APAF1: variants seen among roughly 807,000 people sequenced by gnomAD.
APAF1 encodes apoptotic peptidase activating factor 1, also known as apoptotic protease-activating factor 1.
Under a neutral mutation model 152.4 loss-of-function variants are expected in APAF1, and 91 were observed. That is an observed-to-expected ratio of 0.60 (90% CI 0.50 to 0.71). APAF1 has a LOEUF of 0.71. APAF1 is among the 30% of genes least tolerant of loss of function. The pLI, the probability that APAF1 is intolerant of heterozygous loss-of-function variation, is 0.00. For synonymous variants in APAF1, 484 were observed against 494.1 expected (o/e 0.98, Z 0.27); for missense variants, 1,283 against 1,472.0 (o/e 0.87, Z 2.10).
At position 98,698,473 on chromosome 12, in the gene APAF1, CA is replaced by C. The variant is rs1045378325; in HGVS notation, c.2305-934del. Among the ~76,000 whole-genome samples the C allele has an allele frequency of 1.2e-3, 185 of 152,330 alleles. 1 individual carries two copies. The highest frequency in any genetic ancestry group is 4.1e-3 in the African/African-American group (172 of 41,570). On this transcript the variant is annotated intron_variant, in intron 16 of 26. Coordinates refer to ENST00000551964, the MANE Select transcript of APAF1 (RefSeq NM_181861.2). ...TTAGTATCAGGGAAGGCTGTTTTAG[CA>C]CCTGCTGTCTCTTTTGCATTACCCA...
rs150803631 is a variant in APAF1, at chr12:98,708,523, G to A, written c.2722-62G>A. 525 of 1,548,942 alleles carry A rather than the reference G, an allele frequency of 3.4e-4. 4 individuals carry two copies. In the African/African-American group the frequency reaches 5.8e-3, roughly 17 times the overall value. ...TTATGTGAAACATAGTTTGTCTCTC[G>A]CTTTAAGATGAAGACATGTTATTTT... On this transcript the variant is annotated intron_variant, in intron 19 of 26. Coordinates refer to ENST00000551964, the MANE Select transcript of APAF1 (RefSeq NM_181861.2).
Position 98,699,432 on chromosome 12 carries a change from G to A in APAF1, c.2329G>A (p.Glu777Lys), listed in dbSNP as rs138526583. 6,796 of 1,614,050 alleles carry A rather than the reference G, an allele frequency of 4.2e-3. 16 individuals are homozygous for A. The highest frequency in any genetic ancestry group is 5.1e-3 in the Non-Finnish European group (6,072 of 1,179,982). The change falls in exon 17 of 27, where the codon GAG becomes AAG. Residue 777 changes from glutamate (E) to lysine (K), a missense_variant. Coordinates refer to ENST00000551964, the MANE Select transcript of APAF1 (RefSeq NM_181861.2). Reference sequence around the variant, plus strand: ...GCTTTGGGATGCGACATCAGCAAATGAGAGGAAAAGCATTAATGTGAAACA... The same window carrying A: ...GCTTTGGGATGCGACATCAGCAAATAAGAGGAAAAGCATTAATGTGAAACA... The part of the protein sequence containing the change: ...LKLWDATSAN[E>K]RKSINVKQFF...
intron 15 of APAF1, 38 bp downstream of exon 15, chr12:98,683,312 A>AT (rs1422356781): frequency 6.2e-7 from 1 of 1,603,694 alleles, no homozygotes; most frequent in Non-Finnish European, 8.5e-7. Flanking sequence ...GATAAATTTG[A>AT]TTCGTACATC....
chr12:98,667,097 T>C (rs1220897670), intron 9 of APAF1, among the ~76,000 whole-genome samples: 1 of 149,452 alleles, frequency 6.7e-6, no homozygotes, highest in East Asian at 2.1e-4. Flanking sequence ...GGAGATTCTC[T>C]GTATATATAT....
At chr12:98,701,820 C>T (rs2097715665) in intron 17 of APAF1, among the ~76,000 whole-genome samples, 1 of 152,160 alleles carries the variant, frequency 6.6e-6, no homozygotes, top group African/African-American at 2.4e-5. Flanking sequence ...TCTTTCTTTC[C>T]AATTCCTATG....
At chr12:98,647,274 A>G (rs540769238) in intron 1 of APAF1, among the ~76,000 whole-genome samples, 2 of 151,240 alleles carry the variant, frequency 1.3e-5, no homozygotes, top group African/African-American at 4.8e-5. Context: ...AAAAAATAAG[A>G]CAAGGTGGGG....
In APAF1 at chr12:98,703,424, C is replaced by T. The variant is rs2097717917; in HGVS notation, c.2520C>T (p.His840=). ...GLLGEIHTGH[H]STIQYCDFSP... ...TGGGAGAAATCCACACGGGCCATCA[C>T]AGCACCATCCAGTACTGTGACTTCT... The change falls in exon 18 of 27, where the codon CAC becomes CAT. Residue 840 remains histidine, a synonymous_variant. Coordinates refer to ENST00000551964, the MANE Select transcript of APAF1 (RefSeq NM_181861.2). 2.5e-6 allele frequency: 4 copies of T among 1,614,142 alleles called. No homozygotes were observed. The highest frequency in any genetic ancestry group is 1.1e-5 in the South Asian group (1 of 91,086).
intron 14 of APAF1, among the ~76,000 whole-genome samples, chr12:98,681,716 C>G (rs1236938123): frequency 1.3e-5 from 2 of 152,188 alleles, no homozygotes; most frequent in African/African-American, 4.8e-5. Context: ...AGTGTCTACT[C>G]TGACTCTGAG....
At chr12:98,682,053 T>G (rs1209305877) in intron 14 of APAF1, among the ~76,000 whole-genome samples, 3 of 127,428 alleles carry the variant, frequency 2.4e-5, no homozygotes, top group East Asian at 2.1e-4. Context: ...AATTTTTTTG[T>G]TTTTTTTTTT....
chr12:98,681,575 T>A (rs1283977631), intron 14 of APAF1, among the ~76,000 whole-genome samples: 2 of 152,150 alleles, frequency 1.3e-5, no homozygotes, highest in East Asian at 3.9e-4. Context: ...AAATTTGCCT[T>A]GGGTGTTTTC....
rs1459651628 is a variant in APAF1 at position 98,645,426 on chromosome 12, C to G, written c.-451C>G. On this transcript the variant is annotated 5_prime_UTR_variant, in exon 1 of 27. Coordinates refer to ENST00000551964, the MANE Select transcript of APAF1 (RefSeq NM_181861.2). Reference sequence around the variant, plus strand: ...TGCCGCAGCGGCATCCGGAGTAGCGCCGGGCTCCCTCCGGGGTGCAGCCGC... The same window carrying G: ...TGCCGCAGCGGCATCCGGAGTAGCGGCGGGCTCCCTCCGGGGTGCAGCCGC... The G allele has an allele frequency of 6.6e-6, 1 of 152,476 alleles. No individual in the cohort carries two copies. The highest frequency in any genetic ancestry group is 1.5e-5 in the Non-Finnish European group (1 of 68,288). 9.4% of individuals were successfully genotyped at this position (152,476 alleles called of 1,614,324 possible). A position where few individuals can be genotyped will look rare whatever the true frequency, so the allele number is the denominator to read the frequency against.
At chr12:98,703,207 A>G (rs1205908018) in intron 17 of APAF1, among the ~76,000 whole-genome samples, 164 bp from the exon 18 acceptor site, 1 of 152,200 alleles carries the variant, frequency 6.6e-6, no homozygotes, top group African/African-American at 2.4e-5. Flanking sequence ...TTTTTAAAGT[A>G]TATGTATATT....
chr12:98,716,897 AC>A (rs1293708881), intron 22 of APAF1, among the ~76,000 whole-genome samples: 1 of 151,084 alleles, frequency 6.6e-6, no homozygotes, highest in Admixed American at 6.6e-5. Context: ...ATGGAGTCTC[AC>A]TCTGTCACCC....
In APAF1 at chr12:98,667,621, A is replaced by T; in HGVS notation, c.1471A>T (p.Met491Leu). The T allele has an allele frequency of 1.2e-6, 2 of 1,613,876 alleles. No individual in the cohort carries two copies. The highest frequency in any genetic ancestry group is 1.7e-6 in the Non-Finnish European group (2 of 1,179,966). ...MYWYNFLAYHMASAKMHKELC... is the reference protein window; with the variant it reads ...MYWYNFLAYHLASAKMHKELC... The stretch of plus-strand genomic sequence containing the variant: ...TTGGTACAACTTTCTGGCCTATCAC[A>T]TGGCCAGTGCCAAGATGCACAAGGT... Residue 491 changes from methionine (M) to leucine (L), a missense_variant, in exon 10 of 27, where the codon ATG (methionine) becomes TTG (leucine). Transcript: ENST00000551964.
Position 98,648,453 on chromosome 12 carries a change from G to T in APAF1, c.94G>T (p.Asp32Tyr). 2 of 1,614,012 alleles carry T rather than the reference G, an allele frequency of 1.2e-6. No individual in the cohort carries two copies. Among genetic ancestry groups the T allele is most frequent in the Non-Finnish European group, 1.7e-6 (2 of 1,179,956 alleles). Residue 32 changes from aspartate to tyrosine, a missense_variant, in exon 2 of 27, where the codon GAT becomes TAT. Transcript: ENST00000551964. Reference sequence around the variant, plus strand: ...CTACATCATGGATCACATGATTAGTGATGGATTTTTAACAATATCAGAAGA... The same window carrying T: ...CTACATCATGGATCACATGATTAGTTATGGATTTTTAACAATATCAGAAGA... ...TSYIMDHMIS[D>Y]GFLTISEEEK...
intron 4 of APAF1, among the ~76,000 whole-genome samples, chr12:98,656,930 C>T (rs964879833): frequency 4.3e-4 from 65 of 152,142 alleles, no homozygotes; most frequent in Middle Eastern, 3.2e-3. Flanking sequence ...CATTCATTGA[C>T]GATTGGAGTT....
At position 98,712,367 on chromosome 12, in the gene APAF1, G is replaced by A. The variant is rs1429607769; in HGVS notation, c.2890G>A (p.Val964Ile). 1 of 1,613,598 alleles carries A rather than the reference G, an allele frequency of 6.2e-7. No homozygotes were observed. Among genetic ancestry groups the A allele is most frequent in the Non-Finnish European group, 8.5e-7 (1 of 1,179,760 alleles). The change falls in exon 21 of 27, where the codon GTT (valine) becomes ATT (isoleucine). Residue 964 changes from valine to isoleucine, a missense_variant. Transcript: ENST00000551964. ...GQIDYLTEAQ[V>I]SCCCLSPHLQ... is the part of the protein sequence containing the mutation. ...GATTGATTATCTGACTGAAGCTCAA[G>A]TTAGCTGCTGTTGCTTAAGTCCACA...
intron 4 of APAF1, among the ~76,000 whole-genome samples, chr12:98,653,913 T>TG (rs2097653097): frequency 6.6e-6 from 1 of 151,706 alleles, no homozygotes; most frequent in South Asian, 2.1e-4. Context: ...TCATAGGCTG[T>TG]GTTCCTATTT....
At chr12:98,710,514 G>A (rs2097726816) in intron 20 of APAF1, among the ~76,000 whole-genome samples, 1 of 152,220 alleles carries the variant, frequency 6.6e-6, no homozygotes, top group Non-Finnish European at 1.5e-5. Context: ...CACATGTGTG[G>A]AAGGTCTGAG....
Sources: allele counts gnomAD v4.1 joint callset (sites outside exome capture counted in the v4.1 genomes callset), GRCh38; gene constraint gnomAD v4.1.1; transcripts MANE v1.5; gene names NCBI Gene and HGNC (gene_info 2026-07-23, HGNC 2026-07-21).